Variants in MAP1A observed in about 807,000 individuals in gnomAD.
MAP1A encodes microtubule-associated protein 1A.
A neutral mutation model predicts 185.9 loss-of-function variants in MAP1A; 42 were observed. That is an observed-to-expected ratio of 0.23 (90% confidence interval 0.18 to 0.29). The LOEUF (loss-of-function observed/expected upper bound fraction) is 0.29, where lower values mean the gene tolerates loss of function less well. Ranked by LOEUF, MAP1A falls within the 10% of genes least tolerant of loss-of-function variation. The probability of loss-of-function intolerance (pLI) is 1.00; values close to 1 mark genes in which losing one functional copy is unlikely to be tolerated. For synonymous variants in MAP1A, 1,229 were observed against 1,335.9 expected (o/e 0.92, Z 1.74); for missense variants, 2,995 against 3,450.4 (o/e 0.87, Z 3.31).
In MAP1A at chr15:43,522,697, G is replaced by A. The variant is rs1278175239; in HGVS notation, c.1224G>A (p.Lys408=). The change falls in exon 4 of 6, where the codon AAG becomes AAA. Residue 408 remains lysine, a synonymous_variant. Coordinates refer to ENST00000300231, the MANE Select transcript of MAP1A (RefSeq NM_002373.6). The surrounding 1 kb of genome is among the most constrained non-coding windows in gnomAD (Gnocchi z 5.9). ...TAGGGAAAAAGCACCTTAAAGAAAA[G>A]ATATCAAAGCTGGAAGAAAAAAAAG... The part of the protein sequence containing the change: ...DKVGKKHLKE[K]ISKLEEKKDK... 9 of 1,605,622 alleles carry A rather than the reference G, an allele frequency of 5.6e-6. No individual in the cohort carries two copies. In the African/African-American group the frequency reaches 9.4e-5, roughly 17 times the overall value.
In MAP1A at chr15:43,527,784, G is replaced by A. The variant is rs1448944675; in HGVS notation, c.6311G>A (p.Ser2104Asn). ...TCAGGCCGGAGTCACTGGGATGACA[G>A]CACTAGTGACTCAGAACTGGAGAAG... ...KESGRSHWDDSTSDSELEKGA... is the reference protein window; with the variant it reads ...KESGRSHWDDNTSDSELEKGA... Residue 2104 changes from serine to asparagine, a missense_variant, in exon 4 of 6, where the codon AGC (serine) becomes AAC (asparagine). Physicochemically the swap from Ser to Asn is conservative, Grantham distance 46. Coordinates refer to ENST00000300231, the MANE Select transcript of MAP1A (RefSeq NM_002373.6). The A allele has an allele frequency of 6.2e-7, 1 of 1,613,642 alleles. No homozygotes were observed. Among genetic ancestry groups the A allele is most frequent in the East Asian group, 2.2e-5 (1 of 44,868 alleles).
rs2079332065 is a variant in MAP1A, at chr15:43,524,137, T to C, written c.2664T>C (p.Tyr888=). ...SRTEATQGLD[Y]VPSAGTISPT... Reference sequence around the variant, plus strand: ...CTGAAGCTACGCAGGGCTTGGACTATGTGCCATCAGCTGGTACCATCTCAC... The same window carrying C: ...CTGAAGCTACGCAGGGCTTGGACTACGTGCCATCAGCTGGTACCATCTCAC... The change falls in exon 4 of 6, where the codon TAT becomes TAC. Residue 888 remains tyrosine (Y), a synonymous_variant. Transcript: ENST00000300231. The C allele has an allele frequency of 6.2e-7, 1 of 1,614,078 alleles. No individual in the cohort carries two copies. Among genetic ancestry groups the C allele is most frequent in the South Asian group, 1.1e-5 (1 of 91,090 alleles).
chr15:43,520,196 C>T (rs919111609), intron 1 of MAP1A, among the ~76,000 whole-genome samples: 2 of 152,086 alleles, frequency 1.3e-5, no homozygotes, highest in Non-Finnish European at 1.5e-5. Flanking sequence ...AGACACTCTG[C>T]GGGCAGGAAA....
exon 1 of MAP1A, chr15:43,511,113 G>T: frequency 6.5e-7 from 1 of 1,550,372 alleles, no homozygotes; most frequent in Non-Finnish European, 8.7e-7. Context: ...TGCGAGGCCG[G>T]AGCCGCGGTG....
rs1257666978 is a variant in MAP1A, at chr15:43,519,657, T to C, written c.-374-984T>C. Among the ~76,000 whole-genome samples, 11 of 152,338 alleles carry C rather than the reference T, an allele frequency of 7.2e-5. No homozygotes were observed. In the East Asian group the frequency reaches 2.1e-3, roughly 29 times the overall value. On this transcript the variant is annotated intron_variant, in intron 1 of 5. Coordinates refer to ENST00000300231, the MANE Select transcript of MAP1A (RefSeq NM_002373.6). ...GCATCTTCTGTCTCATTTGCCACTTTCTTTCTTTGCTGAATTGTTTGGTGT... is the reference window on the plus strand; with the variant it reads ...GCATCTTCTGTCTCATTTGCCACTTCCTTTCTTTGCTGAATTGTTTGGTGT...
chr15:43,516,966 G>A (rs138802484), upstream of MAP1A, among the ~76,000 whole-genome samples: 262 of 152,266 alleles, frequency 1.7e-3, 1 homozygote, highest in Middle Eastern at 0.014. Context: ...GCATTCCCAT[G>A]AAACTTCATG....
chr15:43,519,861 T>C (rs1472824924), intron 1 of MAP1A, among the ~76,000 whole-genome samples: 1 of 152,184 alleles, frequency 6.6e-6, no homozygotes, highest in Non-Finnish European at 1.5e-5. Context: ...GAGAAGAAAC[T>C]GTTCACAATG....
At position 43,526,900 on chromosome 15, in the gene MAP1A, G is replaced by A. The variant is rs2079346480; in HGVS notation, c.5427G>A (p.Arg1809=). 6.2e-7 allele frequency: 1 copy of A among 1,614,086 alleles called. No homozygotes were observed. Among genetic ancestry groups the A allele is most frequent in the Non-Finnish European group, 8.5e-7 (1 of 1,180,006 alleles). Residue 1809 remains arginine (R), a synonymous_variant, in exon 4 of 6, where the codon AGG becomes AGA. Coordinates refer to ENST00000300231, the MANE Select transcript of MAP1A (RefSeq NM_002373.6). This position sits in a 1 kb window ranked among gnomAD's most constrained non-coding sequence, Gnocchi z 4.7. ...PASPPEMVGQ[R]VPSAPGQESP... ...CCCCACCTGAGATGGTTGGACAAAGGGTTCCTTCAGCCCCAGGACAAGAGA... is the reference window on the plus strand; with the variant it reads ...CCCCACCTGAGATGGTTGGACAAAGAGTTCCTTCAGCCCCAGGACAAGAGA...
exon 1 of MAP1A, chr15:43,511,096 G>A (rs1449789091): frequency 1.3e-6 from 2 of 1,550,142 alleles, no homozygotes; most frequent in East Asian, 2.4e-5. Context: ...ACCCCGCGGA[G>A]CTGCTGTGCG....
At chr15:43,515,643 CA>C (rs1384020329), upstream of MAP1A, among the ~76,000 whole-genome samples, 1 of 152,112 alleles carries the variant, frequency 6.6e-6, no homozygotes, top group Non-Finnish European at 1.5e-5. Flanking sequence ...TTATACAATT[CA>C]AACCTCACAG....
In MAP1A at chr15:43,525,981, T is replaced by A. The variant is rs768051178; in HGVS notation, c.4508T>A (p.Val1503Asp). Residue 1503 changes from valine (V) to aspartate (D), a missense_variant, in exon 4 of 6, where the codon GTC becomes GAC. By Grantham distance (152) the Val-to-Asp change is radical. Around this residue, in one of 3 missense-constraint regions of MAP1A, gnomAD observed 2,728 missense variants for 2,986.0 expected, o/e 0.91. Transcript: ENST00000300231. ...EEKDKALDQKVRSVEHKAPED... is the reference protein window; with the variant it reads ...EEKDKALDQKDRSVEHKAPED... ...AAAGACAAAGCCTTAGATCAAAAAG[T>A]CAGAAGTGTTGAACATAAGGCTCCG... is the stretch of plus-strand genomic sequence containing the variant. The A allele has an allele frequency of 8.1e-6, 13 of 1,613,630 alleles. No homozygotes were observed. Among genetic ancestry groups the A allele is most frequent in the African/African-American group, 1.3e-5 (1 of 74,774 alleles).
At position 43,521,206 on chromosome 15, in the gene MAP1A, G is replaced by A. The variant is rs1172611963; in HGVS notation, c.-151+94G>A. The A allele has an allele frequency of 1.4e-6, 2 of 1,473,740 alleles. No homozygotes were observed. The highest frequency in any genetic ancestry group is 1.8e-6 in the Non-Finnish European group (2 of 1,115,790). 91.3% of individuals were successfully genotyped at this position (1,473,740 alleles called of 1,614,324 possible). ...GTCTCATATTGCATGACCATGGGGGGCCCTGGCAGAAAGGTAAGAGTCCAC... is the reference window on the plus strand; with the variant it reads ...GTCTCATATTGCATGACCATGGGGGACCCTGGCAGAAAGGTAAGAGTCCAC... On this transcript the variant is annotated intron_variant, in intron 3 of 5. Coordinates refer to ENST00000300231, the MANE Select transcript of MAP1A (RefSeq NM_002373.6). The surrounding 1 kb of genome is among the most constrained non-coding windows in gnomAD (Gnocchi z 4.6).
Position 43,528,188 on chromosome 15 carries a change from C to T in MAP1A, c.6715C>T (p.Pro2239Ser), listed in dbSNP as rs2079354448. The T allele has an allele frequency of 1.2e-6, 2 of 1,614,168 alleles. No homozygotes were observed. Among genetic ancestry groups the T allele is most frequent in the South Asian group, 1.1e-5 (1 of 91,088 alleles). Reference protein sequence around the residue: ...SLPQLPSPSSPGAPLLSNLPR... With the variant: ...SLPQLPSPSSSGAPLLSNLPR... ...GCCCCAGCTCCCATCACCCAGTTCT[C>T]CTGGGGCCCCTCTCCTCTCCAATCT... is the stretch of plus-strand genomic sequence containing the variant. Residue 2239 changes from proline (P) to serine (S), a missense_variant, in exon 4 of 6, where the codon CCT (proline) becomes TCT (serine). Physicochemically the swap from Pro to Ser is moderately conservative, Grantham distance 74 (BLOSUM62 -1). Around this residue, in one of 3 missense-constraint regions of MAP1A, gnomAD observed 2,728 missense variants for 2,986.0 expected, o/e 0.91. Transcript: ENST00000300231.
Position 43,528,480 on chromosome 15 carries a change from A to G in MAP1A, c.7007A>G (p.His2336Arg). The G allele has an allele frequency of 6.2e-7, 1 of 1,613,462 alleles. No individual in the cohort carries two copies. The highest frequency in any genetic ancestry group is 8.5e-7 in the Non-Finnish European group (1 of 1,180,002). The change falls in exon 4 of 6, where the codon CAC (histidine) becomes CGC (arginine). Residue 2336 changes from histidine to arginine, a missense_variant. Coordinates refer to ENST00000300231, the MANE Select transcript of MAP1A (RefSeq NM_002373.6). ...GDMGDGILPC[H>R]LECSEAATEK... The stretch of plus-strand genomic sequence containing the variant: ...ATGGGTGATGGCATCCTGCCGTGCC[A>G]CCTGGAGTGCTCAGAGGCAGCCACG...
chr15:43,512,263 C>T, exon 2 of MAP1A: 1 of 1,547,900 alleles, frequency 6.5e-7, no homozygotes, highest in Non-Finnish European at 8.7e-7. Flanking sequence ...TTACCCGGCA[C>T]CTAGCTCACT....
In MAP1A at chr15:43,527,387, G is replaced by A. The variant is rs745440653; in HGVS notation, c.5914G>A (p.Glu1972Lys). The A allele has an allele frequency of 4.3e-6, 7 of 1,614,106 alleles. No individual in the cohort carries two copies. Among genetic ancestry groups the A allele is most frequent in the Non-Finnish European group, 5.9e-6 (7 of 1,180,034 alleles). ...ERSFQYADIY[E>K]QMMLTGLGPA... ...AAGCTTTCAGTATGCAGACATCTAT[G>A]AGCAGATGATGCTTACTGGGCTTGG... The change falls in exon 4 of 6, where the codon GAG (glutamate) becomes AAG (lysine). Residue 1972 changes from glutamate to lysine, a missense_variant. By Grantham distance (56) the Glu-to-Lys change is moderately conservative (BLOSUM62 1). Transcript: ENST00000300231.
Position 43,525,781 on chromosome 15 carries a change from A to C in MAP1A, c.4308A>C (p.Leu1436Phe), listed in dbSNP as rs1307669582. 2 of 1,614,010 alleles carry C rather than the reference A, an allele frequency of 1.2e-6. No homozygotes were observed. The highest frequency in any genetic ancestry group is 2.2e-5 in the South Asian group (2 of 91,064). ...DKALEPKDKD[L>F]EEKDKALEQK... ...CCCTGGAACCAAAAGACAAAGACTT[A>C]GAAGAAAAAGACAAGGCCCTGGAAC... is the stretch of plus-strand genomic sequence containing the variant. The change falls in exon 4 of 6, where the codon TTA (leucine) becomes TTC (phenylalanine). Residue 1436 changes from leucine (L) to phenylalanine (F), a missense_variant. Around this residue, in one of 3 missense-constraint regions of MAP1A, gnomAD observed 2,728 missense variants for 2,986.0 expected, o/e 0.91. Transcript: ENST00000300231.
At position 43,531,306 on chromosome 15, in the gene MAP1A, AACTCCTACAG is replaced by A. The variant is rs1445750870; in HGVS notation, c.*1084_*1093del. ...AAAGGGAGAAGCTGAGCCACAGCTT[AACTCCTACAG>A]AGTGAAATGAAAACGGGCTGAAAAT... On this transcript the variant is annotated 3_prime_UTR_variant, in exon 6 of 6. Coordinates refer to ENST00000300231, the MANE Select transcript of MAP1A (RefSeq NM_002373.6). 1 of 152,774 alleles carries A rather than the reference AACTCCTACAG, an allele frequency of 6.5e-6. No individual in the cohort carries two copies. The highest frequency in any genetic ancestry group is 2.4e-5 in the African/African-American group (1 of 41,460). 9.5% of individuals were successfully genotyped at this position (152,774 alleles called of 1,614,324 possible).
chr15:43,518,927 G>C (rs1214568752), intron 1 of MAP1A, among the ~76,000 whole-genome samples: 1 of 152,202 alleles, frequency 6.6e-6, no homozygotes, highest in African/African-American at 2.4e-5. Context: ...GTGAGGAACA[G>C]GACCTTATGC....
Sources: gnomAD v4.1 joint callset for allele counts (sites outside exome capture counted in the v4.1 genomes callset) on GRCh38, gnomAD v4.1.1 for gene constraint, gnomAD v4.1.1 regional missense constraint, Gnocchi (gnomAD v3.1) non-coding constraint, MANE v1.5 for transcripts, NCBI Gene and HGNC (gene_info 2026-07-23, HGNC 2026-07-21) for gene names.